COG5: variants seen among roughly 807,000 people sequenced by gnomAD.
COG5 encodes the protein conserved oligomeric Golgi complex subunit 5.
COG5 carries 86 observed loss-of-function variants against 110.4 expected under a neutral mutation model. That is an observed-to-expected ratio of 0.78 (90% confidence interval 0.65 to 0.93). COG5 has a LOEUF of 0.93. COG5 is among the 40% of genes least tolerant of loss of function. The pLI is 0.00. For missense variants in COG5, 1,077 were observed against 987.0 expected (o/e 1.09, Z -1.22); for synonymous variants, 360 against 334.6 (o/e 1.08, Z -0.83).
At chr7:107,234,695 G>A (rs950633077) in intron 18 of COG5, among the ~76,000 whole-genome samples, 1 of 151,958 alleles carries the variant, frequency 6.6e-6, no homozygotes, top group Non-Finnish European at 1.5e-5. Context: ...AGAGCCCAGG[G>A]AAAGAAGATG....
At chr7:107,525,840 C>T (rs373534833) in intron 6 of COG5, among the ~76,000 whole-genome samples, 19 of 152,298 alleles carry the variant, frequency 1.2e-4, no homozygotes, top group South Asian at 6.2e-4. Context: ...CTGCCTCCAC[C>T]TCCCAAGTAA....
At chr7:107,556,904 G>C (rs1267026536) in intron 2 of COG5, among the ~76,000 whole-genome samples, 1 of 151,838 alleles carries the variant, frequency 6.6e-6, no homozygotes, top group Non-Finnish European at 1.5e-5. Context: ...CCGAGTAGCT[G>C]GGATTACAGG....
chr7:107,468,172 G>A (rs1029095790), intron 6 of COG5, among the ~76,000 whole-genome samples: 4 of 152,172 alleles, frequency 2.6e-5, no homozygotes, highest in East Asian at 1.9e-4. Context: ...CTAGTACAGC[G>A]TGGTTTGCAG....
At chr7:107,435,807 G>T (rs1794330605) in intron 6 of COG5, among the ~76,000 whole-genome samples, 1 of 152,072 alleles carries the variant, frequency 6.6e-6, no homozygotes, top group Non-Finnish European at 1.5e-5. Context: ...TATACCAAAA[G>T]ATATTTAACA....
intron 7 of COG5, among the ~76,000 whole-genome samples, chr7:107,382,282 T>C (rs997034097): frequency 6.6e-6 from 1 of 152,122 alleles, no homozygotes; most frequent in African/African-American, 2.4e-5. Flanking sequence ...TACAAACCCA[T>C]GGTTGGGCTC....
intron 16 of COG5, among the ~76,000 whole-genome samples, chr7:107,252,171 T>C (rs1802567090): frequency 6.6e-6 from 1 of 152,082 alleles, no homozygotes; most frequent in African/African-American, 2.4e-5. Context: ...TAGCACGCCA[T>C]AATCGTGCCA....
At chr7:107,351,864 G>C (rs987626771) in intron 10 of COG5, among the ~76,000 whole-genome samples, 2 of 149,844 alleles carry the variant, frequency 1.3e-5, no homozygotes, top group Non-Finnish European at 3.0e-5. Flanking sequence ...CTGTTGGTGG[G>C]ACTGTAAACT....
At chr7:107,396,626 C>T (rs969410114) in intron 7 of COG5, among the ~76,000 whole-genome samples, 7 of 151,096 alleles carry the variant, frequency 4.6e-5, no homozygotes, top group Middle Eastern at 3.4e-3. Context: ...AGTGATACAC[C>T]GAGTGCCTAA....
intron 6 of COG5, among the ~76,000 whole-genome samples, chr7:107,520,161 T>TA (rs1226269355): frequency 6.6e-6 from 1 of 152,214 alleles, no homozygotes; most frequent in African/African-American, 2.4e-5. Context: ...TAATGAGAGC[T>TA]ATTTATGACA....
chr7:107,415,705 C>T (rs146231583), intron 6 of COG5, among the ~76,000 whole-genome samples: 245 of 149,712 alleles, frequency 1.6e-3, no homozygotes, highest in African/African-American at 5.6e-3. Context: ...GATATATGTA[C>T]GTGTGCATGA....
intron 10 of COG5, among the ~76,000 whole-genome samples, chr7:107,330,909 G>A (rs1020361423): frequency 1.3e-5 from 2 of 148,254 alleles, no homozygotes; most frequent in Admixed American, 6.8e-5. Context: ...TGTAACCTCC[G>A]CCTTCCGGGT....
chr7:107,528,788 C>G (rs944650120), intron 5 of COG5, among the ~76,000 whole-genome samples: 1 of 152,046 alleles, frequency 6.6e-6, no homozygotes, highest in African/African-American at 2.4e-5. Context: ...CTCTGAGAAG[C>G]CAGGGTCCCT....
chr7:107,410,738 G>A (rs375723862), intron 7 of COG5, among the ~76,000 whole-genome samples: 2 of 152,136 alleles, frequency 1.3e-5, no homozygotes, highest in African/African-American at 2.4e-5. Context: ...CACCGTGCCC[G>A]GCCAACAGAT....
At chr7:107,222,739 T>C (rs1025880535) in intron 19 of COG5, among the ~76,000 whole-genome samples, 6 of 152,166 alleles carry the variant, frequency 3.9e-5, no homozygotes, top group Non-Finnish European at 7.4e-5. Flanking sequence ...AAGTGCTTTA[T>C]GAAACAAAAA....
At chr7:107,365,613 A>G (rs923193849) in intron 8 of COG5, among the ~76,000 whole-genome samples, 7 of 149,344 alleles carry the variant, frequency 4.7e-5, no homozygotes, top group South Asian at 2.1e-4. Flanking sequence ...AAAAAAAAAA[A>G]AAAAAAAAAG....
At chr7:107,484,049 C>A (rs1490363893) in intron 6 of COG5, among the ~76,000 whole-genome samples, 1 of 152,020 alleles carries the variant, frequency 6.6e-6, no homozygotes, top group Non-Finnish European at 1.5e-5. Context: ...TATATCCTCC[C>A]TTATCCTAAA....
At position 107,249,690 on chromosome 7, in the gene COG5, TTGTGTGTGTGTG is replaced by T. The variant is rs57572752; in HGVS notation, c.1750-1203_1750-1192del. Among the ~76,000 whole-genome samples, 930 of 131,748 alleles carry T rather than the reference TTGTGTGTGTGTG, an allele frequency of 7.1e-3. 15 individuals are homozygous for T. Among genetic ancestry groups the T allele is most frequent in the African/African-American group, 0.02 (734 of 37,260 alleles). 86.4% of individuals were successfully genotyped at this position (131,748 alleles called of 152,430 possible). A position where few individuals can be genotyped will look rare whatever the true frequency, so the allele number is the denominator to read the frequency against. On this transcript the variant is annotated intron_variant, in intron 16 of 21. Transcript: ENST00000297135. ...AAAAATAAATATACAACGTACAGGA[TTGTGTGTGTGTG>T]TGTGTGTGTGTGTGTGTGTGTGTGT...
chr7:107,487,224 T>C lies in COG5; in HGVS notation c.538+40013A>G, dbSNP rs1008434859. Among the ~76,000 whole-genome samples the C allele has an allele frequency of 3.9e-5, 6 of 151,912 alleles. No homozygotes were observed. In the South Asian group the frequency reaches 8.3e-4, roughly 21 times the overall value. ...ACAAACCAACATGGCAAAAGGAAAATAGGCAAAGAATACAAACAGGTAACT... is the reference window on the plus strand; with the variant it reads ...ACAAACCAACATGGCAAAAGGAAAACAGGCAAAGAATACAAACAGGTAACT... On this transcript the variant is annotated intron_variant, in intron 6 of 21. Transcript: ENST00000297135.
At chr7:107,379,224 G>A (rs930441281) in intron 7 of COG5, among the ~76,000 whole-genome samples, 1 of 152,134 alleles carries the variant, frequency 6.6e-6, no homozygotes, top group African/African-American at 2.4e-5. Flanking sequence ...CAAATGCTGA[G>A]AGATTTTGTC....
Sources: gnomAD v4.1 joint callset for allele counts (sites outside exome capture counted in the v4.1 genomes callset) on GRCh38, gnomAD v4.1.1 for gene constraint, MANE v1.5 for transcripts, NCBI Gene and HGNC (gene_info 2026-07-23, HGNC 2026-07-21) for gene names.